STPG2: variants seen among roughly 807,000 people sequenced by gnomAD.
STPG2 encodes the protein sperm tail PG-rich repeat containing 2, also known as sperm-tail PG-rich repeat-containing protein 2.
A neutral mutation model predicts 54.2 loss-of-function variants in STPG2; 56 were observed. The ratio of observed to expected loss-of-function variants is 1.03; its 90% CI spans 0.83 to 1.29. The LOEUF is 1.29. Ranked by LOEUF, STPG2 falls within the 50% of genes most tolerant of loss-of-function variation. The pLI is 0.00. For synonymous variants in STPG2, 200 were observed against 181.8 expected (o/e 1.10, Z -0.81); for missense variants, 596 against 544.9 (o/e 1.09, Z -0.93).
intron 7 of STPG2, among the ~76,000 whole-genome samples, chr4:97,955,076 A>G (rs1374845014): frequency 6.6e-6 from 1 of 152,210 alleles, no homozygotes; most frequent in Non-Finnish European, 1.5e-5. Flanking sequence ...AAAAAATACA[A>G]TATCTGAAAT....
At position 97,860,909 on chromosome 4, in the gene STPG2, G is replaced by A. The variant is rs538307632; in HGVS notation, c.1045-19977C>T. 3.3e-4 allele frequency among the ~76,000 whole-genome samples: 50 copies of A among 152,126 alleles called. 1 individual carries two copies. The highest frequency in any genetic ancestry group is 1.2e-3 in the African/African-American group (48 of 41,500). The stretch of plus-strand genomic sequence containing the variant: ...CCCATTCAACATGATGTTTCCTTGG[G>A]GAAACTCTCCAGGATATTGGAATGG... On this transcript the variant is annotated intron_variant, in intron 8 of 10. Transcript: ENST00000295268.
At chr4:97,514,571 C>G (rs918545617) in intron 4 of STPG2, among the ~76,000 whole-genome samples, 2 of 152,044 alleles carry the variant, frequency 1.3e-5, no homozygotes, top group Non-Finnish European at 2.9e-5. Flanking sequence ...ATATGATTTA[C>G]TATGACTTAA....
chr4:97,568,727 C>G (rs1425373286), intron 10 of STPG2, among the ~76,000 whole-genome samples: 2 of 152,088 alleles, frequency 1.3e-5, no homozygotes, highest in Admixed American at 1.3e-4. Context: ...CCCAAACATT[C>G]TCTTGTACCA....
At chr4:97,505,943 T>A (rs1412224006) in intron 4 of STPG2, among the ~76,000 whole-genome samples, 1 of 142,836 alleles carries the variant, frequency 7.0e-6, no homozygotes, top group Non-Finnish European at 1.5e-5. Flanking sequence ...TAAAATTGAC[T>A]AGCTACTATT....
chr4:98,116,244 T>C (rs1205356624), intron 3 of STPG2, among the ~76,000 whole-genome samples: 1 of 135,986 alleles, frequency 7.4e-6, no homozygotes, highest in African/African-American at 2.8e-5. Context: ...TGACACATTA[T>C]TCTGAAACAA....
intron 7 of STPG2, among the ~76,000 whole-genome samples, chr4:97,963,244 T>C (rs752421207): frequency 6.6e-6 from 1 of 152,218 alleles, no homozygotes. Context: ...GAACTGTTAG[T>C]ACATTTTAAA....
intron 8 of STPG2, among the ~76,000 whole-genome samples, chr4:97,907,477 A>G (rs1321517420): frequency 6.6e-6 from 1 of 152,164 alleles, no homozygotes; most frequent in African/African-American, 2.4e-5. Context: ...CATCCCCATC[A>G]AGCTACCAAT....
intron 10 of STPG2, among the ~76,000 whole-genome samples, chr4:97,677,075 TA>T (rs1223530602): frequency 6.6e-6 from 1 of 151,988 alleles, no homozygotes; most frequent in Non-Finnish European, 1.5e-5. Context: ...AAGTATGAGG[TA>T]AAAAAAATTA....
At chr4:97,635,945 C>T (rs1488860274) in intron 10 of STPG2, among the ~76,000 whole-genome samples, 2 of 147,752 alleles carry the variant, frequency 1.4e-5, no homozygotes, top group African/African-American at 5.0e-5. Context: ...GACAGAAAGT[C>T]AACAAGGACA....
chr4:97,820,962 C>A (rs944442127), intron 9 of STPG2, among the ~76,000 whole-genome samples: 11 of 152,052 alleles, frequency 7.2e-5, no homozygotes, highest in African/African-American at 2.7e-4. Context: ...CCCTCTGCCC[C>A]CCAAATCTCA....
chr4:97,965,077 C>T (rs1734043243), intron 7 of STPG2, among the ~76,000 whole-genome samples: 2 of 152,202 alleles, frequency 1.3e-5, no homozygotes, highest in Non-Finnish European at 2.9e-5. Flanking sequence ...AGGGATTTCC[C>T]TTTCCTAGCC....
intron 4 of STPG2, among the ~76,000 whole-genome samples, chr4:98,107,778 T>TGAGAGA (rs34354551): frequency 3.3e-5 from 5 of 151,036 alleles, no homozygotes; most frequent in Non-Finnish European, 5.9e-5. Flanking sequence ...AGAGAGACGG[T>TGAGAGA]GAGAGAGAGA....
At chr4:98,134,595 G>C (rs1457077955) in intron 1 of STPG2, 136 bp from the exon 2 acceptor site, 2 of 347,404 alleles carry the variant, frequency 5.8e-6, no homozygotes, top group African/African-American at 4.3e-5. Context: ...AGTCAGAGAA[G>C]TTATTACATT....
At chr4:98,101,512 G>GA (rs892174124) in intron 5 of STPG2, among the ~76,000 whole-genome samples, 6 of 150,604 alleles carry the variant, frequency 4.0e-5, no homozygotes, top group South Asian at 4.2e-4. Flanking sequence ...TTCCCAGAAA[G>GA]AAAAAAAAAG....
chr4:97,823,372 T>C (rs759730361), intron 9 of STPG2, among the ~76,000 whole-genome samples: 32 of 152,224 alleles, frequency 2.1e-4, no homozygotes, highest in Admixed American at 1.1e-3. Flanking sequence ...ATGCTAAATA[T>C]ATTGTGCTTG....
At chr4:98,018,363 C>G (rs1219851542) in intron 5 of STPG2, among the ~76,000 whole-genome samples, 2 of 152,162 alleles carry the variant, frequency 1.3e-5, no homozygotes, top group African/African-American at 4.8e-5. Context: ...TTTTTTATGG[C>G]TGCATAGTAT....
At chr4:97,554,744 C>G (rs190592475), downstream of STPG2, among the ~76,000 whole-genome samples, 630 of 152,036 alleles carry the variant, frequency 4.1e-3, 3 homozygotes, top group South Asian at 0.02. Flanking sequence ...GTTATGCTAC[C>G]CAACATCTGT....
intron 3 of STPG2, among the ~76,000 whole-genome samples, chr4:98,124,931 T>C (rs542082753): frequency 5.5e-4 from 84 of 152,234 alleles, no homozygotes; most frequent in Non-Finnish European, 1.1e-3. Context: ...AAGATACTCT[T>C]CAACTCTGAG....
chr4:97,901,347 G>GA (rs1018470325), intron 8 of STPG2, among the ~76,000 whole-genome samples: 30 of 151,420 alleles, frequency 2.0e-4, no homozygotes, highest in African/African-American at 9.7e-5. Flanking sequence ...AATTGGGCAA[G>GA]AAAAAAAATA....
Sources: gnomAD v4.1 joint callset for allele counts (sites outside exome capture counted in the v4.1 genomes callset) on GRCh38, gnomAD v4.1.1 for gene constraint, MANE v1.5 for transcripts, NCBI Gene and HGNC (gene_info 2026-07-23, HGNC 2026-07-21) for gene names.